Variants in EXOC6B observed in about 807,000 individuals in gnomAD.
EXOC6B encodes the protein exocyst complex component 6B.
Under a neutral mutation model 113.5 loss-of-function variants are expected in EXOC6B, and 54 were observed. The observed-to-expected ratio is 0.48, with a 90% CI of 0.38 to 0.60. The LOEUF is 0.60. Among genes scored for constraint, EXOC6B ranks in the 20% least tolerant of loss-of-function variants. EXOC6B has a pLI of 0.00. For synonymous variants in EXOC6B, 357 were observed against 339.0 expected (o/e 1.05, Z -0.58); for missense variants, 797 against 977.5 (o/e 0.82, Z 2.46).
chr2:72,588,452 C>T (rs1573446087), intron 6 of EXOC6B, among the ~76,000 whole-genome samples: 2 of 152,014 alleles, frequency 1.3e-5, no homozygotes, highest in East Asian at 3.9e-4. Context: ...TATGAAACCA[C>T]TCATATGGGG....
intron 20 of EXOC6B, among the ~76,000 whole-genome samples, chr2:72,196,996 C>T (rs1351766089): frequency 6.6e-6 from 1 of 151,938 alleles, no homozygotes; most frequent in Non-Finnish European, 1.5e-5. Flanking sequence ...TTCCAGTCTG[C>T]CAAAAAGTTG....
At chr2:72,204,626 G>T (rs904146877) in intron 20 of EXOC6B, among the ~76,000 whole-genome samples, 1 of 151,790 alleles carries the variant, frequency 6.6e-6, no homozygotes, top group East Asian at 1.9e-4. Context: ...ACCTCTGAAT[G>T]AACTTTCAGA....
chr2:72,255,442 T>A (rs1000451605), intron 20 of EXOC6B, among the ~76,000 whole-genome samples: 1 of 152,224 alleles, frequency 6.6e-6, no homozygotes, highest in Admixed American at 6.5e-5. Context: ...AAGTAGACAC[T>A]GATGAAGCCA....
At chr2:72,690,425 A>ATCAGTTGATCATGTCAAT (rs779183013) in intron 6 of EXOC6B, among the ~76,000 whole-genome samples, 3 of 152,204 alleles carry the variant, frequency 2.0e-5, no homozygotes, top group Non-Finnish European at 4.4e-5. Flanking sequence ...TATTTAAAAT[A>ATCAGTTGATCATGTCAAT]TCAGTTGATC....
Position 72,360,997 on chromosome 2 carries a change from G to C in EXOC6B, c.2122+18732C>G, listed in dbSNP as rs115289731. Among the ~76,000 whole-genome samples, 559 of 150,286 alleles carry C rather than the reference G, an allele frequency of 3.7e-3. 2 individuals carry two copies. The highest frequency in any genetic ancestry group is 0.013 in the African/African-American group (543 of 40,712). ...ATTCTTCTCCAAAATACTTTCCATT[G>C]CAACCCCATTCCCAGAGAAGAGTAG... On this transcript the variant is annotated intron_variant, in intron 19 of 21. Coordinates refer to ENST00000272427, the MANE Select transcript of EXOC6B (RefSeq NM_015189.3).
At chr2:72,256,122 C>T (rs1019141670) in intron 20 of EXOC6B, among the ~76,000 whole-genome samples, 3 of 151,912 alleles carry the variant, frequency 2.0e-5, no homozygotes, top group South Asian at 2.1e-4. Context: ...ATATAAAGAC[C>T]GAGGGAGAGA....
At chr2:72,494,613 C>A (rs893333046) in intron 15 of EXOC6B, among the ~76,000 whole-genome samples, 11 of 151,956 alleles carry the variant, frequency 7.2e-5, no homozygotes, top group Non-Finnish European at 4.4e-5. Flanking sequence ...AAAAATTTTC[C>A]GAGCTGGGTA....
chr2:72,511,275 G>C (rs1424390347), intron 11 of EXOC6B, among the ~76,000 whole-genome samples: 2 of 152,028 alleles, frequency 1.3e-5, no homozygotes, highest in Non-Finnish European at 2.9e-5. Flanking sequence ...GCATCACAAA[G>C]TAATCATTTC....
intron 6 of EXOC6B, among the ~76,000 whole-genome samples, chr2:72,640,088 T>C (rs1000638655): frequency 6.6e-6 from 1 of 152,110 alleles, no homozygotes. Context: ...CAGGAGTATG[T>C]TGAAATTCAA....
chr2:72,265,573 C>T (rs373803570), intron 20 of EXOC6B, among the ~76,000 whole-genome samples: 24 of 151,232 alleles, frequency 1.6e-4, no homozygotes, highest in Non-Finnish European at 2.7e-4. Context: ...TCCCTACAAA[C>T]GACATGAACT....
intron 17 of EXOC6B, among the ~76,000 whole-genome samples, chr2:72,475,025 G>A (rs1321184919): frequency 2.0e-5 from 3 of 152,158 alleles, no homozygotes; most frequent in African/African-American, 7.2e-5. Flanking sequence ...AATAGTACCA[G>A]TGGTATCTAT....
intron 6 of EXOC6B, among the ~76,000 whole-genome samples, chr2:72,586,469 T>A (rs1264704874): frequency 6.6e-6 from 1 of 151,938 alleles, no homozygotes; most frequent in Admixed American, 6.6e-5. Context: ...CACCGCAAAC[T>A]TGGCCAGGCG....
At position 72,546,516 on chromosome 2, in the gene EXOC6B, C is replaced by T. The variant is rs116834386; in HGVS notation, c.915+12937G>A. ...GCTGATTCACTTCTTCTAATTATAG[C>T]CAAGTCCTCAAAAAATATATTAAAA... On this transcript the variant is annotated intron_variant, in intron 8 of 21. Transcript: ENST00000272427. Among the ~76,000 whole-genome samples the T allele has an allele frequency of 5.2e-3, 785 of 152,210 alleles. 11 individuals carry two copies. The highest frequency in any genetic ancestry group is 0.018 in the African/African-American group (740 of 41,534).
chr2:72,367,915 T>C (rs1028989078), intron 19 of EXOC6B, among the ~76,000 whole-genome samples: 9 of 152,180 alleles, frequency 5.9e-5, no homozygotes, highest in African/African-American at 1.7e-4. Context: ...GCAAGCCTCA[T>C]TGCCACAGGC....
intron 20 of EXOC6B, among the ~76,000 whole-genome samples, chr2:72,298,053 C>T (rs914325142): frequency 6.6e-6 from 1 of 152,180 alleles, no homozygotes; most frequent in Non-Finnish European, 1.5e-5. Flanking sequence ...TGTTAATTTT[C>T]TGTCTCATTG....
chr2:72,352,698 A>T (rs957458317), intron 19 of EXOC6B, among the ~76,000 whole-genome samples: 1 of 146,248 alleles, frequency 6.8e-6, no homozygotes, highest in Non-Finnish European at 1.5e-5. Context: ...TGTCTTACTT[A>T]AAAAAAAAAA....
chr2:72,762,853 A>C (rs1682824054), intron 1 of EXOC6B, among the ~76,000 whole-genome samples: 1 of 152,114 alleles, frequency 6.6e-6, no homozygotes, highest in African/African-American at 2.4e-5. Context: ...TATGGAATTC[A>C]AAACACATGT....
intron 19 of EXOC6B, among the ~76,000 whole-genome samples, chr2:72,346,146 A>G (rs1379312864): frequency 6.6e-6 from 1 of 152,186 alleles, no homozygotes; most frequent in African/African-American, 2.4e-5. Flanking sequence ...CCAGTACTCC[A>G]AATGTATTTA....
intron 18 of EXOC6B, among the ~76,000 whole-genome samples, chr2:72,404,194 G>A (rs57286048): frequency 0.21 from 31,876 of 152,146 alleles, 6,322 homozygotes; most frequent in African/African-American, 0.53. Context: ...GCTTGAGTAG[G>A]TAGACAAAGC....
Sources: gnomAD v4.1 joint callset for allele counts (sites outside exome capture counted in the v4.1 genomes callset) on GRCh38, gnomAD v4.1.1 for gene constraint, MANE v1.5 for transcripts, NCBI Gene and HGNC (gene_info 2026-07-23, HGNC 2026-07-21) for gene names.